The following CTNND2 variants were observed in gnomAD, a reference collection of about 807,000 sequenced individuals.
The protein encoded by CTNND2 is catenin delta-2.
In CTNND2, 22 loss-of-function variants were observed where a neutral mutation model predicts 144.4. That is an observed-to-expected ratio of 0.15 (90% CI 0.11 to 0.22). CTNND2 has a LOEUF of 0.22. Ranked by LOEUF, CTNND2 falls within the 10% of genes least tolerant of loss-of-function variation. CTNND2 has a pLI of 1.00. For synonymous variants in CTNND2, 751 were observed against 695.6 expected (o/e 1.08, Z -1.25); for missense variants, 1,353 against 1,618.8 (o/e 0.84, Z 2.82).
intron 2 of CTNND2, among the ~76,000 whole-genome samples, chr5:11,646,668 A>G (rs1283835688): frequency 6.6e-6 from 1 of 152,030 alleles, no homozygotes; most frequent in East Asian, 1.9e-4. Context: ...ATATTTTAAA[A>G]TATTTTTTGT....
At chr5:11,113,990 G>A (rs73049725) in intron 13 of CTNND2, among the ~76,000 whole-genome samples, 9,941 of 152,168 alleles carry the variant, frequency 0.065, 1,036 homozygotes, top group African/African-American at 0.23. Context: ...AGGTGTCATG[G>A]GCTGCTAATC....
intron 3 of CTNND2, among the ~76,000 whole-genome samples, chr5:11,505,968 C>T (rs1274899291): frequency 6.6e-6 from 1 of 152,192 alleles, no homozygotes; most frequent in Non-Finnish European, 1.5e-5. Flanking sequence ...CCTGCAGCCT[C>T]TTCTCTTCCT....
chr5:11,082,586 G>T, intron 16 of CTNND2, 110 bp downstream of exon 16: 7 of 1,262,262 alleles, frequency 5.5e-6, no homozygotes, highest in Non-Finnish European at 7.6e-6. Flanking sequence ...GCTAATAAAT[G>T]CACGGCTTCT....
At chr5:11,559,900 G>A (rs1170708798) in intron 3 of CTNND2, among the ~76,000 whole-genome samples, 1 of 152,216 alleles carries the variant, frequency 6.6e-6, no homozygotes, top group African/African-American at 2.4e-5. Context: ...GAGACTACCA[G>A]TGACCTGGCT....
intron 2 of CTNND2, among the ~76,000 whole-genome samples, chr5:11,680,707 A>C (rs955473044): frequency 6.6e-6 from 1 of 152,172 alleles, no homozygotes; most frequent in Non-Finnish European, 1.5e-5. Context: ...AGAACCCAGG[A>C]AGTCAGGGCA....
chr5:11,690,264 C>A (rs2126646251), intron 2 of CTNND2, among the ~76,000 whole-genome samples: 1 of 152,118 alleles, frequency 6.6e-6, no homozygotes, highest in African/African-American at 2.4e-5. Flanking sequence ...AATATTTAAA[C>A]AGCAACACAT....
intron 15 of CTNND2, among the ~76,000 whole-genome samples, chr5:11,087,091 A>G (rs1023574949): frequency 7.2e-5 from 11 of 152,224 alleles, no homozygotes; most frequent in African/African-American, 2.4e-4. Context: ...TTTGTGCATT[A>G]ATTTTCTTTA....
At chr5:11,262,716 C>T (rs925135306) in intron 9 of CTNND2, among the ~76,000 whole-genome samples, 37 of 140,390 alleles carry the variant, frequency 2.6e-4, no homozygotes, top group Non-Finnish European at 3.9e-4. Context: ...GAGTCGAGAC[C>T]GCACCACTGC....
At chr5:11,854,333 A>G (rs1795155045) in intron 1 of CTNND2, among the ~76,000 whole-genome samples, 1 of 152,168 alleles carries the variant, frequency 6.6e-6, no homozygotes, top group Admixed American at 6.5e-5. Flanking sequence ...TTTCCATGGC[A>G]CTTATCAACA....
intron 16 of CTNND2, among the ~76,000 whole-genome samples, chr5:11,053,301 G>GA (rs1281716528): frequency 6.6e-6 from 1 of 152,194 alleles, no homozygotes; most frequent in African/African-American, 2.4e-5. Flanking sequence ...TGCTATGAAT[G>GA]AAACAGATGA....
At chr5:11,659,166 T>A (rs1038136470) in intron 2 of CTNND2, among the ~76,000 whole-genome samples, 3 of 151,982 alleles carry the variant, frequency 2.0e-5, no homozygotes, top group Non-Finnish European at 2.9e-5. Flanking sequence ...ATAATACAAG[T>A]AAGAAACAAT....
rs749121305 is a variant in CTNND2 at position 11,361,019 on chromosome 5, G to GTTTA, written c.1372+3673_1372+3676dup. On this transcript the variant is annotated intron_variant, in intron 8 of 21. Transcript: ENST00000304623. Reference sequence around the variant, plus strand: ...TAAGACTGCCTACGTATGAAAGTTTGTTTATTTATTTATTTATTTAGATGG... The same window carrying GTTTA: ...TAAGACTGCCTACGTATGAAAGTTTGTTTATTTATTTATTTATTTATTTAGATGG... 5.5e-4 allele frequency among the ~76,000 whole-genome samples: 84 copies of GTTTA among 152,094 alleles called. 1 individual carries two copies. The highest frequency in any genetic ancestry group is 3.7e-3 in the South Asian group (18 of 4,808).
chr5:11,488,148 T>G (rs1041397286), intron 3 of CTNND2, among the ~76,000 whole-genome samples: 10 of 152,220 alleles, frequency 6.6e-5, no homozygotes, highest in Non-Finnish European at 1.5e-5. Flanking sequence ...CTGACTTACT[T>G]AGTATTTCTT....
At chr5:11,210,262 G>C (rs1267427413) in intron 10 of CTNND2, among the ~76,000 whole-genome samples, 3 of 152,166 alleles carry the variant, frequency 2.0e-5, no homozygotes, top group African/African-American at 7.2e-5. Context: ...GCCAGGCGTG[G>C]TGGTGCACAC....
intron 2 of CTNND2, among the ~76,000 whole-genome samples, chr5:11,601,026 T>G (rs1309086833): frequency 2.0e-5 from 3 of 151,120 alleles, no homozygotes; most frequent in Non-Finnish European, 4.4e-5. Context: ...ACAGCAAGGT[T>G]TTTTTTTTAT....
chr5:11,085,547 C>A (rs765918139), intron 15 of CTNND2, among the ~76,000 whole-genome samples: 2 of 152,062 alleles, frequency 1.3e-5, no homozygotes, highest in Non-Finnish European at 2.9e-5. Context: ...GAGGCTCAGG[C>A]CATTATTTGA....
chr5:11,460,158 G>A (rs559066675), intron 3 of CTNND2, among the ~76,000 whole-genome samples: 68 of 152,040 alleles, frequency 4.5e-4, no homozygotes, highest in Non-Finnish European at 8.2e-4. Context: ...ACACTCAGAG[G>A]GAGCCTCCAA....
chr5:11,150,818 G>T (rs1757696263), intron 12 of CTNND2, among the ~76,000 whole-genome samples: 1 of 151,962 alleles, frequency 6.6e-6, no homozygotes, highest in Non-Finnish European at 1.5e-5. Flanking sequence ...TAGAGATGGG[G>T]TTTCACCATG....
intron 2 of CTNND2, among the ~76,000 whole-genome samples, chr5:11,601,127 G>A (rs889326859): frequency 8.5e-5 from 13 of 152,102 alleles, no homozygotes; most frequent in South Asian, 2.1e-4. Context: ...AGGACTATGC[G>A]AATAACGTGT....
Sources: gnomAD v4.1 joint callset for allele counts (sites outside exome capture counted in the v4.1 genomes callset) on GRCh38, gnomAD v4.1.1 for gene constraint, MANE v1.5 for transcripts, NCBI Gene and HGNC (gene_info 2026-07-23, HGNC 2026-07-21) for gene names.